Variants in ANKHD1 observed in about 807,000 individuals in gnomAD.
The protein encoded by ANKHD1 is ankyrin repeat and KH domain containing 1, also known as ankyrin repeat and KH domain-containing protein 1.
A neutral mutation model predicts 230.5 loss-of-function variants in ANKHD1; 31 were observed. That is an observed-to-expected ratio of 0.13 (90% CI 0.10 to 0.18). The LOEUF (loss-of-function observed/expected upper bound fraction) is 0.18, where lower values mean the gene tolerates loss of function less well. ANKHD1 is among the 10% of genes least tolerant of loss of function. The pLI, the probability that ANKHD1 is intolerant of heterozygous loss-of-function variation, is 1.00. For synonymous variants in ANKHD1, 1,074 were observed against 1,117.6 expected, an observed-to-expected ratio of 0.96 and a Z score of 0.78; for missense variants, 2,256 against 3,071.3, an observed-to-expected ratio of 0.73 and a Z score of 6.27.
At chr5:140,465,836 T>A (rs1213850289) in intron 10 of ANKHD1, among the ~76,000 whole-genome samples, 1 of 152,204 alleles carries the variant, frequency 6.6e-6, no homozygotes, top group African/African-American at 2.4e-5. Flanking sequence ...CTGAGAATTG[T>A]GACAGCAATA....
chr5:140,477,289 C>T (rs984674076), intron 10 of ANKHD1, among the ~76,000 whole-genome samples: 4 of 152,174 alleles, frequency 2.6e-5, no homozygotes, highest in Non-Finnish European at 1.5e-5. Context: ...GAGAAATGGT[C>T]AGATCTGCAT....
intron 1 of ANKHD1, among the ~76,000 whole-genome samples, chr5:140,424,357 C>T (rs1176961738): frequency 6.6e-6 from 1 of 152,098 alleles, no homozygotes; most frequent in Non-Finnish European, 1.5e-5. Context: ...GATCATGGTT[C>T]ACTGTAGCCT....
Position 140,539,255 on chromosome 5 carries a change from CT to C in ANKHD1, c.7570-102del, listed in dbSNP as rs1433024423. ...ACACTTTATTTAATATATGTGTATTCTTCCTAGGCAGAAACAGTGAATTGCC... is the reference window on the plus strand; with the variant it reads ...ACACTTTATTTAATATATGTGTATTCTCCTAGGCAGAAACAGTGAATTGCC... On this transcript the variant is annotated intron_variant, in intron 33 of 33. Coordinates refer to ENST00000360839, the MANE Select transcript of ANKHD1 (RefSeq NM_017747.3). 3.2e-6 allele frequency: 5 copies of C among 1,579,782 alleles called. No homozygotes were observed. The African/African-American group carries it at 6.8e-5, about 21-fold the overall frequency.
At chr5:140,435,885 T>C (rs1315827895) in intron 1 of ANKHD1, among the ~76,000 whole-genome samples, 1 of 152,158 alleles carries the variant, frequency 6.6e-6, no homozygotes, top group African/African-American at 2.4e-5. Context: ...ACAATGCTCT[T>C]GAGGAAACTT....
intron 1 of ANKHD1, among the ~76,000 whole-genome samples, chr5:140,404,661 C>T (rs570920804): frequency 6.6e-6 from 1 of 151,838 alleles, no homozygotes; most frequent in African/African-American, 2.4e-5. Flanking sequence ...TCTCAAACTC[C>T]TGACCTCAGG....
chr5:140,527,182 A>T lies in ANKHD1; in HGVS notation c.5087+108A>T. ...TAATTTGAATGTGGTTATTATTTTA[A>T]ACTGCATTGCCACACTAAATCCAGA... is the stretch of plus-strand genomic sequence containing the variant. On this transcript the variant is annotated intron_variant, in intron 27 of 33. Transcript: ENST00000360839. The surrounding 1 kb of genome is among the most constrained non-coding windows in gnomAD (Gnocchi z 4.5). The T allele has an allele frequency of 7.1e-7, 1 of 1,402,428 alleles. No individual in the cohort carries two copies. The highest frequency in any genetic ancestry group is 1.5e-5 in the African/African-American group (1 of 68,206). 86.9% of individuals were successfully genotyped at this position (1,402,428 alleles called of 1,614,324 possible). A position where few individuals can be genotyped will look rare whatever the true frequency, so the allele number is the denominator to read the frequency against.
rs577989223 is a variant in ANKHD1 at position 140,532,064 on chromosome 5, G to C, written c.6850+2268G>C. On this transcript the variant is annotated intron_variant, in intron 29 of 33. Transcript: ENST00000360839. ...TCTACTAAAATACAAAACATTAGCT[G>C]GGTGTGGTGGTGCACTCCTGTAGTC... is the stretch of plus-strand genomic sequence containing the variant. 1.9e-3 allele frequency among the ~76,000 whole-genome samples: 285 copies of C among 152,082 alleles called. 2 individuals carry two copies. Among genetic ancestry groups the C allele is most frequent in the African/African-American group, 6.1e-3 (255 of 41,468 alleles).
At chr5:140,409,803 C>T (rs191001127) in intron 1 of ANKHD1, among the ~76,000 whole-genome samples, 18 of 152,240 alleles carry the variant, frequency 1.2e-4, no homozygotes, top group African/African-American at 3.9e-4. Context: ...CCACCCGCCT[C>T]AGCCTCCCAA....
At chr5:140,419,770 TTCTTTTTCTTTC>T (rs1342812533) in intron 1 of ANKHD1, among the ~76,000 whole-genome samples, 2 of 141,082 alleles carry the variant, frequency 1.4e-5, no homozygotes, top group Admixed American at 1.4e-4. Flanking sequence ...TCTCTTTCCT[TTCTTTTTCTTTC>T]TTTCTTTCTT....
chr5:140,477,322 A>G (rs1186593332), intron 10 of ANKHD1, among the ~76,000 whole-genome samples: 1 of 152,216 alleles, frequency 6.6e-6, no homozygotes, highest in Non-Finnish European at 1.5e-5. Context: ...GATTTTTTTC[A>G]CACACTTCTC....
In ANKHD1 at chr5:140,539,414, A is replaced by G. The variant is rs1561846332; in HGVS notation, c.7625A>G (p.Asn2542Ser). 12 of 1,613,722 alleles carry G rather than the reference A, an allele frequency of 7.4e-6. No individual in the cohort carries two copies. Among genetic ancestry groups the G allele is most frequent in the African/African-American group, 1.3e-5 (1 of 74,908 alleles). ...HIGNMHLKYV[N>S] ...GGAAACATGCATCTCAAATATGTCA[A>G]CTAAGTTAGAAGGTCTTTACTCTTT... The change falls in exon 34 of 34, where the codon AAC becomes AGC. Residue 2542 changes from asparagine (N) to serine (S), a missense_variant. Asn to Ser is a conservative substitution (Grantham distance 46, BLOSUM62 1). Coordinates refer to ENST00000360839, the MANE Select transcript of ANKHD1 (RefSeq NM_017747.3).
At chr5:140,455,073 A>G (rs1342849103) in intron 7 of ANKHD1, among the ~76,000 whole-genome samples, 1 of 152,206 alleles carries the variant, frequency 6.6e-6, no homozygotes, top group Non-Finnish European at 1.5e-5. Context: ...CCATCAGATA[A>G]TATTATAAAC....
Position 140,529,239 on chromosome 5 carries a change from C to G in ANKHD1, c.6293C>G (p.Ser2098Cys), listed in dbSNP as rs947541762. ...AGTCCTATGTCAATGCCTTTTGCATCTAACTCAGAACCTGCTCCATTGACT... is the reference window on the plus strand; with the variant it reads ...AGTCCTATGTCAATGCCTTTTGCATGTAACTCAGAACCTGCTCCATTGACT... ...DLSPMSMPFA[S>C]NSEPAPLTLT... is the part of the protein sequence containing the mutation. The change falls in exon 29 of 34, where the codon TCT becomes TGT. Residue 2098 changes from serine to cysteine, a missense_variant. This residue lies in a region of ANKHD1 where 778 missense variants were observed against 966.5 expected (regional missense o/e 0.80). Coordinates refer to ENST00000360839, the MANE Select transcript of ANKHD1 (RefSeq NM_017747.3). 3.1e-6 allele frequency: 5 copies of G among 1,614,112 alleles called. No individual in the cohort carries two copies. The African/African-American group carries it at 6.7e-5, about 22-fold the overall frequency.
At chr5:140,453,884 G>A (rs1203323495) in intron 7 of ANKHD1, among the ~76,000 whole-genome samples, 2 of 152,140 alleles carry the variant, frequency 1.3e-5, no homozygotes, top group African/African-American at 4.8e-5. Context: ...AAATGTAAAT[G>A]GGCTAAATGC....
chr5:140,428,127 G>A (rs1000199057), intron 1 of ANKHD1, among the ~76,000 whole-genome samples: 7 of 151,460 alleles, frequency 4.6e-5, no homozygotes, highest in African/African-American at 1.7e-4. Flanking sequence ...TGGCGGCTGG[G>A]CAGAGACGCT....
rs869172143 is a variant in ANKHD1, at chr5:140,468,052, CTTTTTTTTTTTTTTTTTTTTT to C, written c.1782+3296_1782+3316del. On this transcript the variant is annotated intron_variant, in intron 10 of 33. Transcript: ENST00000360839. ...AGTTTAAGGTTTAAGTGTACTAATTCTTTTTTTTTTTTTTTTTTTTTTTTTTTTTTTTTTTTTTTTGATGTG... is the reference window on the plus strand; with the variant it reads ...AGTTTAAGGTTTAAGTGTACTAATTCTTTTTTTTTTTTTTTTTTTGATGTG... Among the ~76,000 whole-genome samples the C allele has an allele frequency of 6.7e-4, 35 of 52,408 alleles. No homozygotes were observed. The South Asian group carries it at 7.8e-3, about 12-fold the overall frequency. The allele number at this position is 52,408 out of a possible 152,430, so 34.4% of individuals were successfully genotyped here.
chr5:140,402,964 C>CTTTTTTTT (rs56939861), intron 1 of ANKHD1, among the ~76,000 whole-genome samples: 2 of 73,944 alleles, frequency 2.7e-5, no homozygotes, highest in African/African-American at 5.2e-5. Context: ...GAAACCTCTT[C>CTTTTTTTT]TTTTTTTTTT....
At position 140,526,144 on chromosome 5, in the gene ANKHD1, G is replaced by A; in HGVS notation, c.4641G>A (p.Lys1547=). The change falls in exon 26 of 34, where the codon AAG becomes AAA. Residue 1547 remains lysine, a synonymous_variant. Transcript: ENST00000360839. ...TTPSTNRKNK[K]NKTKETPPTA... ...CCAGCACCAATCGGAAAAATAAGAA[G>A]AACAAAACAAAAGAAACCCCTCCTA... is the stretch of plus-strand genomic sequence containing the variant. The A allele has an allele frequency of 2.5e-6, 4 of 1,613,542 alleles. No homozygotes were observed. Among genetic ancestry groups the A allele is most frequent in the Non-Finnish European group, 3.4e-6 (4 of 1,179,914 alleles).
At chr5:140,490,950 A>G (rs1175482617) in intron 14 of ANKHD1, among the ~76,000 whole-genome samples, 1 of 150,826 alleles carries the variant, frequency 6.6e-6, no homozygotes, top group South Asian at 2.1e-4. Flanking sequence ...CTCTTGTTTC[A>G]TTTATTCCCT....
Sources: gnomAD v4.1 joint callset for allele counts (sites outside exome capture counted in the v4.1 genomes callset) on GRCh38, gnomAD v4.1.1 for gene constraint, gnomAD v4.1.1 regional missense constraint, Gnocchi (gnomAD v3.1) non-coding constraint, MANE v1.5 for transcripts, NCBI Gene and HGNC (gene_info 2026-07-23, HGNC 2026-07-21) for gene names.